Variants in PPM1K observed in about 807,000 individuals in gnomAD.
The protein encoded by PPM1K is protein phosphatase, Mg2+/Mn2+ dependent 1K.
A neutral mutation model predicts 32.6 loss-of-function variants in PPM1K; 19 were observed. That is an observed-to-expected ratio of 0.58 (90% CI 0.41 to 0.86). The LOEUF is 0.86. PPM1K is among the 40% of genes least tolerant of loss of function. PPM1K has a pLI of 0.00. For synonymous variants in PPM1K, 159 were observed against 165.3 expected (o/e 0.96, Z 0.29); for missense variants, 362 against 461.2 (o/e 0.78, Z 1.97).
chr4:88,273,955 C>T (rs945472371), intron 3 of PPM1K, among the ~76,000 whole-genome samples: 1 of 152,210 alleles, frequency 6.6e-6, no homozygotes, highest in African/African-American at 2.4e-5. Context: ...AAATCAGACA[C>T]TGCCTCCTCA....
At chr4:88,267,612 C>T (rs1256454147) in intron 5 of PPM1K, among the ~76,000 whole-genome samples, 1 of 152,252 alleles carries the variant, frequency 6.6e-6, no homozygotes, top group Non-Finnish European at 1.5e-5. Flanking sequence ...TCAGCCTCTA[C>T]TTGCCTGGTG....
rs1414132088 is a variant in PPM1K at position 88,261,513 on chromosome 4, G to C, written c.*1082C>G. On this transcript the variant is annotated 3_prime_UTR_variant, in exon 7 of 7. Coordinates refer to ENST00000608933, the MANE Select transcript of PPM1K (RefSeq NM_152542.5). ...TCCATCAGTATTTAACTTTTGACCGGAAGACTCAGCCTGTGCATTCTTTTC... is the reference window on the plus strand; with the variant it reads ...TCCATCAGTATTTAACTTTTGACCGCAAGACTCAGCCTGTGCATTCTTTTC... 1.3e-5 allele frequency: 2 copies of C among 152,124 alleles called. No homozygotes were observed. Among genetic ancestry groups the C allele is most frequent in the Non-Finnish European group, 2.9e-5 (2 of 68,038 alleles). 9.4% of individuals were successfully genotyped at this position (152,124 alleles called of 1,614,324 possible). A position where few individuals can be genotyped will look rare whatever the true frequency, so the allele number is the denominator to read the frequency against.
chr4:88,268,574 T>A (rs755372654), intron 4 of PPM1K, among the ~76,000 whole-genome samples, 167 bp downstream of exon 4: 1 of 152,112 alleles, frequency 6.6e-6, no homozygotes, highest in Non-Finnish European at 1.5e-5. Context: ...TGAGCCAAGA[T>A]TGCGCCACTG....
chr4:88,262,458 GA>G lies in PPM1K; in HGVS notation c.*136del. 1 of 868,414 alleles carries G rather than the reference GA, an allele frequency of 1.2e-6. No homozygotes were observed. 53.8% of individuals were successfully genotyped at this position (868,414 alleles called of 1,614,324 possible). ...GAACATAAATATGATGAGCATTTATGAAAAAACTACTATCTAAGTGGTTTAC... is the reference window on the plus strand; with the variant it reads ...GAACATAAATATGATGAGCATTTATGAAAAACTACTATCTAAGTGGTTTAC... On this transcript the variant is annotated 3_prime_UTR_variant, in exon 7 of 7. Coordinates refer to ENST00000608933, the MANE Select transcript of PPM1K (RefSeq NM_152542.5).
At position 88,278,473 on chromosome 4, in the gene PPM1K, C is replaced by T. The variant is rs1214184208; in HGVS notation, c.111G>A (p.Thr37=). The change falls in exon 2 of 7, where the codon ACG becomes ACA. Residue 37 remains threonine (T), a synonymous_variant. Transcript: ENST00000608933. The surrounding 1 kb of genome is among the most constrained non-coding windows in gnomAD (Gnocchi z 4.2). ...LLQDDRRVTP[T]CHSSTSEPRC... ...TAGGCTCTGAAGTGGAGCTGTGGCA[C>T]GTGGGTGTCACCCGCCTGTCGTCCT... is the stretch of plus-strand genomic sequence containing the variant. 1.1e-5 allele frequency: 17 copies of T among 1,614,014 alleles called. No homozygotes were observed. The highest frequency in any genetic ancestry group is 4.5e-5 in the East Asian group (2 of 44,888).
At chr4:88,273,439 G>GGGA (rs1180098249) in intron 3 of PPM1K, among the ~76,000 whole-genome samples, 1 of 152,194 alleles carries the variant, frequency 6.6e-6, no homozygotes, top group Non-Finnish European at 1.5e-5. Flanking sequence ...CCAGCACTTT[G>GGGA]GGAGGCCAAG....
chr4:88,268,333 T>C lies in PPM1K; in HGVS notation c.709A>G (p.Ile237Val), dbSNP rs1336647895. The change falls in exon 5 of 7, where the codon ATC (isoleucine) becomes GTC (valine). Residue 237 changes from isoleucine (I) to valine (V), a missense_variant and splice_region_variant. Coordinates refer to ENST00000608933, the MANE Select transcript of PPM1K (RefSeq NM_152542.5). ...TPERKDEKER[I>V]KKCGGFVAWN... ...GCTACAAAACCACCACATTTCTTGA[T>C]CCTGTTAAAAGTTAAATGACAATGG... The C allele has an allele frequency of 1.2e-6, 2 of 1,614,202 alleles. No individual in the cohort carries two copies. Among genetic ancestry groups the C allele is most frequent in the South Asian group, 1.1e-5 (1 of 91,084 alleles).
At chr4:88,275,790 T>A in intron 3 of PPM1K, 1 of 985,334 alleles carries the variant, frequency 1.0e-6, no homozygotes, top group Non-Finnish European at 1.2e-6. Flanking sequence ...TAAGAAAATA[T>A]TTCATTTCCT....
chr4:88,271,874 T>G (rs1731568613), intron 3 of PPM1K, among the ~76,000 whole-genome samples: 1 of 152,212 alleles, frequency 6.6e-6, no homozygotes, highest in Non-Finnish European at 1.5e-5. Flanking sequence ...AAGGCATTTT[T>G]GAGTAGAATG....
intron 1 of PPM1K, among the ~76,000 whole-genome samples, chr4:88,283,078 C>T (rs1291895532): frequency 3.9e-5 from 6 of 152,210 alleles, no homozygotes; most frequent in African/African-American, 7.2e-5. Context: ...CTTCTTCCTG[C>T]CACAGCTGCC....
chr4:88,265,877 G>A (rs1175386052), intron 5 of PPM1K, among the ~76,000 whole-genome samples: 1 of 152,228 alleles, frequency 6.6e-6, no homozygotes, highest in African/African-American at 2.4e-5. Flanking sequence ...AATGGTGAGA[G>A]GTAGCTCAAT....
chr4:88,278,762 A>T lies in PPM1K; in HGVS notation c.-59-120T>A. ...TTTGAATATAACTGATATGTCATCA[A>T]ATATTACCAAAAATGAAGCTCATAA... On this transcript the variant is annotated intron_variant, in intron 1 of 6. Transcript: ENST00000608933. The surrounding 1 kb of genome is among the most constrained non-coding windows in gnomAD (Gnocchi z 4.2). 1 of 571,878 alleles carries T rather than the reference A, an allele frequency of 1.7e-6. No individual in the cohort carries two copies. The highest frequency in any genetic ancestry group is 2.4e-5 in the South Asian group (1 of 42,066). The allele number at this position is 571,878 out of a possible 1,614,324, so 35.4% of individuals were successfully genotyped here.
chr4:88,275,362 G>A, intron 3 of PPM1K: 8 of 976,422 alleles, frequency 8.2e-6, no homozygotes, highest in Non-Finnish European at 8.5e-6. Context: ...ATGTTTTTGT[G>A]ACAAAGGTAT....
chr4:88,270,616 C>T (rs561423980), intron 3 of PPM1K, among the ~76,000 whole-genome samples: 3 of 152,234 alleles, frequency 2.0e-5, no homozygotes, highest in South Asian at 2.1e-4. Flanking sequence ...CTACCTGTCC[C>T]GGGAATTTAA....
At chr4:88,280,739 A>C (rs1731974222) in intron 1 of PPM1K, among the ~76,000 whole-genome samples, 1 of 152,170 alleles carries the variant, frequency 6.6e-6, no homozygotes, top group African/African-American at 2.4e-5. Context: ...CTCTACAAAA[A>C]GTACAAAAAT....
chr4:88,282,422 G>A (rs1300210062), intron 1 of PPM1K, among the ~76,000 whole-genome samples: 1 of 152,154 alleles, frequency 6.6e-6, no homozygotes. Context: ...CCATTATGAA[G>A]TGGCATTTAG....
Position 88,262,777 on chromosome 4 carries a change from T to C in PPM1K, c.988-51A>G, listed in dbSNP as rs200863688. On this transcript the variant is annotated intron_variant, in intron 6 of 6. Coordinates refer to ENST00000608933, the MANE Select transcript of PPM1K (RefSeq NM_152542.5). ...GAAAAACATTGGAAATCACAGTCTATACAAAGAGAAATCAGCCTTTCCTTC... is the reference window on the plus strand; with the variant it reads ...GAAAAACATTGGAAATCACAGTCTACACAAAGAGAAATCAGCCTTTCCTTC... 9 of 1,542,348 alleles carry C rather than the reference T, an allele frequency of 5.8e-6. No individual in the cohort carries two copies. In the Admixed American group the frequency reaches 1.5e-4, roughly 25 times the overall value.
chr4:88,270,120 G>C (rs1314533181), intron 3 of PPM1K, among the ~76,000 whole-genome samples: 2 of 152,152 alleles, frequency 1.3e-5, no homozygotes. Context: ...TAATTTGACT[G>C]ATTAAGACTC....
At chr4:88,271,823 G>T (rs1000969766) in intron 3 of PPM1K, among the ~76,000 whole-genome samples, 4 of 152,182 alleles carry the variant, frequency 2.6e-5, no homozygotes, top group African/African-American at 9.7e-5. Context: ...ATAGAGTAAT[G>T]CATTTGTTAA....
Sources: allele counts gnomAD v4.1 joint callset (sites outside exome capture counted in the v4.1 genomes callset), GRCh38; gene constraint gnomAD v4.1.1; non-coding constraint Gnocchi (gnomAD v3.1); transcripts MANE v1.5; gene names NCBI Gene and HGNC (gene_info 2026-07-23, HGNC 2026-07-21).